DAPK1: variants seen among roughly 807,000 people sequenced by gnomAD.
DAPK1 encodes death-associated protein kinase 1.
DAPK1 carries 56 observed loss-of-function variants against 144.9 expected under a neutral mutation model. The observed-to-expected ratio is 0.39, with a 90% confidence interval of 0.31 to 0.48. The LOEUF is 0.48. Ranked by LOEUF, DAPK1 falls within the 20% of genes least tolerant of loss-of-function variation. The pLI is 0.95. For missense variants in DAPK1, 1,454 were observed against 1,875.4 expected (o/e 0.78, Z 4.15); for synonymous variants, 690 against 749.0 (o/e 0.92, Z 1.29).
chr9:87,513,461 A>C (rs1399435462), intron 2 of DAPK1, among the ~76,000 whole-genome samples: 1 of 152,220 alleles, frequency 6.6e-6, no homozygotes, highest in Non-Finnish European at 1.5e-5. Flanking sequence ...AGGTGGGTGC[A>C]AGTGTGGGTA....
chr9:87,702,952 T>A, intron 24 of DAPK1, 77 bp from the exon 25 acceptor site: 1 of 681,420 alleles, frequency 1.5e-6, no homozygotes, highest in East Asian at 2.5e-5. Context: ...GAATGAAAGG[T>A]GTCCTTTCCA....
intron 2 of DAPK1, among the ~76,000 whole-genome samples, chr9:87,589,783 CAT>C (rs1415336240): frequency 6.6e-6 from 1 of 152,076 alleles, no homozygotes; most frequent in Non-Finnish European, 1.5e-5. Context: ...TTCCATATGA[CAT>C]ATTGAATGAA....
intron 2 of DAPK1, among the ~76,000 whole-genome samples, chr9:87,592,411 C>A: frequency 6.6e-6 from 1 of 152,198 alleles, no homozygotes; most frequent in Middle Eastern, 3.2e-3. Context: ...ACTTCATATC[C>A]CATAGAAGTC....
rs558217400 is a variant in DAPK1 at position 87,525,442 on chromosome 9, C to T, written c.62+26303C>T. On this transcript the variant is annotated intron_variant, in intron 2 of 25. Coordinates refer to ENST00000408954, the MANE Select transcript of DAPK1 (RefSeq NM_004938.4). ...TGTGCCGCCAGTGTTTCCGTCAGTACGCGAAGGATATCGGTTTCATTAAGT... is the reference window on the plus strand; with the variant it reads ...TGTGCCGCCAGTGTTTCCGTCAGTATGCGAAGGATATCGGTTTCATTAAGT... 34 of 1,608,538 alleles carry T rather than the reference C, an allele frequency of 2.1e-5. No individual in the cohort carries two copies. The East Asian group carries it at 6.0e-4, about 28-fold the overall frequency.
intron 21 of DAPK1, among the ~76,000 whole-genome samples, chr9:87,694,147 G>A (rs1005398775): frequency 1.3e-5 from 2 of 152,212 alleles, no homozygotes; most frequent in Admixed American, 6.5e-5. Flanking sequence ...AGTGATGGCA[G>A]TAGTCATAAT....
intron 21 of DAPK1, among the ~76,000 whole-genome samples, chr9:87,691,528 A>G (rs1373762414): frequency 3.3e-5 from 5 of 151,534 alleles, no homozygotes; most frequent in African/African-American, 1.2e-4. Flanking sequence ...TCTCCTGCTA[A>G]ATTGTGGTTT....
intron 2 of DAPK1, among the ~76,000 whole-genome samples, chr9:87,502,561 G>T (rs568318814): frequency 6.6e-6 from 1 of 152,168 alleles, no homozygotes; most frequent in Non-Finnish European, 1.5e-5. Context: ...AGCCTAACCT[G>T]TGAGCCTCCT....
At chr9:87,643,768 A>G (rs368418130) in intron 11 of DAPK1, among the ~76,000 whole-genome samples, 32 of 152,202 alleles carry the variant, frequency 2.1e-4, no homozygotes, top group African/African-American at 7.5e-4. Context: ...ACATACACAC[A>G]TGCACAGCAA....
At position 87,693,609 on chromosome 9, in the gene DAPK1, G is replaced by A. The variant is rs368515452; in HGVS notation, c.2414-3398G>A. Among the ~76,000 whole-genome samples, 6 of 151,866 alleles carry A rather than the reference G, an allele frequency of 4.0e-5. No homozygotes were observed. The East Asian group carries it at 5.8e-4, about 15-fold the overall frequency. ...TGCTGGAGAGTTATTGTGCTCTTTC[G>A]GAGGTGCAATATTTCCTTGCTTTTT... is the stretch of plus-strand genomic sequence containing the variant. On this transcript the variant is annotated intron_variant, in intron 21 of 25. Coordinates refer to ENST00000408954, the MANE Select transcript of DAPK1 (RefSeq NM_004938.4).
chr9:87,685,955 CG>C (rs1824829582), intron 20 of DAPK1, among the ~76,000 whole-genome samples: 1 of 152,156 alleles, frequency 6.6e-6, no homozygotes, highest in African/African-American at 2.4e-5. Context: ...ATGCTAAAAT[CG>C]GAAGGCCTCA....
At chr9:87,560,177 G>A (rs941496014) in intron 2 of DAPK1, among the ~76,000 whole-genome samples, 3 of 149,780 alleles carry the variant, frequency 2.0e-5, no homozygotes, top group Admixed American at 1.3e-4. Flanking sequence ...TTTTTTTTTA[G>A]TAGAGACGGG....
At chr9:87,663,451 C>T (rs1184924912) in intron 18 of DAPK1, among the ~76,000 whole-genome samples, 3 of 152,122 alleles carry the variant, frequency 2.0e-5, no homozygotes, top group Non-Finnish European at 4.4e-5. Flanking sequence ...GATTTGAAGC[C>T]AGCTCTTCCT....
At chr9:87,604,919 T>A in intron 2 of DAPK1, 35 bp from the exon 3 acceptor site, 1 of 1,596,206 alleles carries the variant, frequency 6.3e-7, no homozygotes, top group Non-Finnish European at 8.6e-7. Context: ...GTTTTTTTTA[T>A]GAACGATAAA....
At chr9:87,689,308 A>T (rs1824972497) in intron 21 of DAPK1, among the ~76,000 whole-genome samples, 1 of 152,004 alleles carries the variant, frequency 6.6e-6, no homozygotes, top group South Asian at 2.1e-4. Context: ...CTGTTTTTGT[A>T]CCAGTACCAT....
intron 2 of DAPK1, among the ~76,000 whole-genome samples, chr9:87,584,372 A>G (rs2118845584): frequency 6.6e-6 from 1 of 152,270 alleles, no homozygotes. Flanking sequence ...CTGATGATTG[A>G]TTCCATATCT....
intron 2 of DAPK1, among the ~76,000 whole-genome samples, chr9:87,580,140 A>C (rs1389829080): frequency 2.0e-5 from 3 of 152,334 alleles, no homozygotes. Context: ...CAGATAAAGC[A>C]GTTGAGGAGG....
chr9:87,577,016 T>G (rs1827586530), intron 2 of DAPK1, among the ~76,000 whole-genome samples: 1 of 152,194 alleles, frequency 6.6e-6, no homozygotes, highest in Non-Finnish European at 1.5e-5. Flanking sequence ...TTCCTTTCTC[T>G]GCCTTGATTG....
At chr9:87,577,849 A>G (rs1463484508) in intron 2 of DAPK1, among the ~76,000 whole-genome samples, 1 of 152,156 alleles carries the variant, frequency 6.6e-6, no homozygotes, top group Non-Finnish European at 1.5e-5. Context: ...GTGTGTAACC[A>G]GGATCGAAAA....
chr9:87,545,604 T>C (rs1290021326), intron 2 of DAPK1, among the ~76,000 whole-genome samples: 1 of 152,100 alleles, frequency 6.6e-6, no homozygotes, highest in Non-Finnish European at 1.5e-5. Flanking sequence ...TGGAGTGCAA[T>C]AGCGGGATCT....
Sources: gnomAD v4.1 joint callset for allele counts (sites outside exome capture counted in the v4.1 genomes callset) on GRCh38, gnomAD v4.1.1 for gene constraint, MANE v1.5 for transcripts, NCBI Gene and HGNC (gene_info 2026-07-23, HGNC 2026-07-21) for gene names.